Variants in STIM1 observed in about 807,000 individuals in gnomAD.
STIM1 encodes the protein stromal interaction molecule 1.
Under a neutral mutation model 74.7 loss-of-function variants are expected in STIM1, and 25 were observed. That is an observed-to-expected ratio of 0.33 (90% CI 0.24 to 0.47). STIM1 has a LOEUF of 0.47. Among genes scored for constraint, STIM1 ranks in the 20% least tolerant of loss-of-function variants. The pLI is 1.00. For synonymous variants in STIM1, 328 were observed against 348.8 expected (o/e 0.94, Z 0.66); for missense variants, 728 against 920.8 (o/e 0.79, Z 2.71).
intron 12 of STIM1, 38 bp from the exon 13 acceptor site, chr11:4,091,244 A>G: frequency 6.2e-7 from 1 of 1,612,980 alleles, no homozygotes; most frequent in African/African-American, 1.3e-5. Context: ...CTCATCCAAT[A>G]TATGTCCCTT....
rs750192887 is a variant in STIM1 at position 3,856,401 on chromosome 11, C to G, written c.131C>G (p.Thr44Ser). ...TSSGANSEES[T>S]AAEFCRIDKP... is the part of the protein sequence containing the mutation. Reference sequence around the variant, plus strand: ...TCGGGGGCCAACTCTGAGGAGTCCACTGCAGCAGGTAAGGCCTTGCTGCGG... The same window carrying G: ...TCGGGGGCCAACTCTGAGGAGTCCAGTGCAGCAGGTAAGGCCTTGCTGCGG... Residue 44 changes from threonine (T) to serine (S), a missense_variant, in exon 1 of 13, where the codon ACT (threonine) becomes AGT (serine). Coordinates refer to ENST00000526596, the MANE Select transcript of STIM1 (RefSeq NM_001382567.1). 1 of 1,614,042 alleles carries G rather than the reference C, an allele frequency of 6.2e-7. No individual in the cohort carries two copies. Among genetic ancestry groups the G allele is most frequent in the Non-Finnish European group, 8.5e-7 (1 of 1,179,998 alleles).
intron 1 of STIM1, among the ~76,000 whole-genome samples, chr11:3,902,205 T>C (rs1336335229): frequency 1.3e-5 from 2 of 152,242 alleles, no homozygotes; most frequent in African/African-American, 4.8e-5. Flanking sequence ...ATTGGGACTT[T>C]AGAGGTTAAG....
intron 2 of STIM1, among the ~76,000 whole-genome samples, chr11:3,972,035 G>C (rs1407354560): frequency 6.6e-6 from 1 of 151,912 alleles, no homozygotes; most frequent in East Asian, 1.9e-4. Context: ...AGACAAAGTT[G>C]GAAGGCTGGT....
chr11:3,869,477 G>A (rs992126020), intron 1 of STIM1, among the ~76,000 whole-genome samples: 4 of 152,178 alleles, frequency 2.6e-5, no homozygotes, highest in African/African-American at 9.7e-5. Flanking sequence ...TAGCAGCTTA[G>A]TGGGTCTTCA....
At position 3,856,234 on chromosome 11, in the gene STIM1, G is replaced by A. The variant is rs1204114237; in HGVS notation, c.-37G>A. The A allele has an allele frequency of 4.3e-6, 7 of 1,613,458 alleles. No individual in the cohort carries two copies. Among genetic ancestry groups the A allele is most frequent in the Non-Finnish European group, 5.9e-6 (7 of 1,179,984 alleles). On this transcript the variant is annotated 5_prime_UTR_variant, in exon 1 of 13. Transcript: ENST00000526596. ...GGCTTTGCCTCTGGGATCCCGAGGT[G>A]TCCACATCAGACGCATGTTGACTGA...
chr11:4,012,684 A>G (rs1194469174), intron 2 of STIM1, among the ~76,000 whole-genome samples: 5 of 151,816 alleles, frequency 3.3e-5, no homozygotes, highest in African/African-American at 9.7e-5. Flanking sequence ...GGACAATTTG[A>G]CTTCCTCTTT....
At chr11:4,010,112 A>G (rs763482051) in intron 2 of STIM1, among the ~76,000 whole-genome samples, 3 of 151,076 alleles carry the variant, frequency 2.0e-5, no homozygotes, top group Non-Finnish European at 4.4e-5. Context: ...ATGGAGCCCA[A>G]CCTGTTTTGA....
At chr11:3,936,372 A>T (rs1554958892) in intron 1 of STIM1, among the ~76,000 whole-genome samples, 2 of 152,186 alleles carry the variant, frequency 1.3e-5, no homozygotes, top group Non-Finnish European at 2.9e-5. Context: ...CAATCTAAGC[A>T]CTAGGAGGGG....
intron 1 of STIM1, among the ~76,000 whole-genome samples, chr11:3,897,323 C>T (rs2092208975): frequency 6.6e-6 from 1 of 152,086 alleles, no homozygotes; most frequent in Non-Finnish European, 1.5e-5. Flanking sequence ...TGAAAGCTGG[C>T]CTCTTGGAAT....
At chr11:4,017,963 C>G (rs1005187601) in intron 2 of STIM1, among the ~76,000 whole-genome samples, 1 of 152,200 alleles carries the variant, frequency 6.6e-6, no homozygotes, top group African/African-American at 2.4e-5. Flanking sequence ...TGTTATACCT[C>G]TGTTCAAATC....
chr11:4,022,481 G>C (rs528423894), intron 2 of STIM1, among the ~76,000 whole-genome samples: 1 of 150,490 alleles, frequency 6.6e-6, no homozygotes, highest in East Asian at 2.0e-4. Flanking sequence ...TTGCCTAATT[G>C]CTCTGGCTAG....
At position 3,862,866 on chromosome 11, in the gene STIM1, A is replaced by ACACACACACACACG. The variant is rs1491207957; in HGVS notation, c.139+6471_139+6484dup. On this transcript the variant is annotated intron_variant, in intron 1 of 12. Coordinates refer to ENST00000526596, the MANE Select transcript of STIM1 (RefSeq NM_001382567.1). ...TACATATATAAGTATATCTGTAAGT[A>ACACACACACACACG]CACACACACACACGCACACACACAC... Among the ~76,000 whole-genome samples the ACACACACACACACG allele has an allele frequency of 6.1e-5, 9 of 146,720 alleles. No individual in the cohort carries two copies. In the East Asian group the frequency reaches 2.0e-3, roughly 32 times the overall value.
chr11:4,032,144 T>G (rs1052694627), intron 3 of STIM1, among the ~76,000 whole-genome samples: 3 of 152,220 alleles, frequency 2.0e-5, no homozygotes, highest in African/African-American at 7.2e-5. Flanking sequence ...TTTTCTTCAT[T>G]GCGTTGCCAC....
At chr11:3,894,905 ATTTT>A (rs35236633) in intron 1 of STIM1, among the ~76,000 whole-genome samples, 3 of 113,232 alleles carry the variant, frequency 2.6e-5, no homozygotes, top group Non-Finnish European at 3.4e-5. Context: ...CGCCTGGCTA[ATTTT>A]TTTTTTTTTT....
At chr11:3,910,462 C>A (rs1312986199) in intron 1 of STIM1, among the ~76,000 whole-genome samples, 12 of 152,254 alleles carry the variant, frequency 7.9e-5, no homozygotes, top group Non-Finnish European at 1.5e-4. Context: ...GGCATGGTGG[C>A]ACCTGCTTGC....
intron 2 of STIM1, among the ~76,000 whole-genome samples, chr11:3,986,240 A>G (rs1396308700): frequency 6.6e-6 from 1 of 152,222 alleles, no homozygotes; most frequent in Non-Finnish European, 1.5e-5. Flanking sequence ...GAAAAGAGTT[A>G]ATCCATCTGA....
intron 2 of STIM1, chr11:3,989,208 C>T (rs1246106861): frequency 5.5e-6 from 5 of 911,670 alleles, no homozygotes; most frequent in Non-Finnish European, 9.2e-6. Context: ...CTGGACTCTC[C>T]TCAGTTTTCT....
intron 2 of STIM1, among the ~76,000 whole-genome samples, chr11:4,005,887 G>A (rs989519751): frequency 2.6e-5 from 4 of 152,130 alleles, no homozygotes; most frequent in South Asian, 2.1e-4. Context: ...CTCATGAAAC[G>A]TACATGTCCT....
intron 1 of STIM1, among the ~76,000 whole-genome samples, chr11:3,906,064 C>A (rs2092460744): frequency 6.6e-6 from 1 of 152,320 alleles, no homozygotes; most frequent in South Asian, 2.1e-4. Flanking sequence ...ACCAGGGCCC[C>A]TGAGGCCCTA....
Sources: allele counts gnomAD v4.1 joint callset (sites outside exome capture counted in the v4.1 genomes callset), GRCh38; gene constraint gnomAD v4.1.1; transcripts MANE v1.5; gene names NCBI Gene and HGNC (gene_info 2026-07-23, HGNC 2026-07-21).